SF3B3: variants seen among roughly 807,000 people sequenced by gnomAD.
The protein encoded by SF3B3 is splicing factor 3b subunit 3, also known as SAP 130.
In SF3B3, 33 loss-of-function variants were observed where a neutral mutation model predicts 139.2. The ratio of observed to expected loss-of-function variants is 0.24; its 90% confidence interval spans 0.18 to 0.32. SF3B3 has a LOEUF of 0.32. Ranked by LOEUF, SF3B3 falls within the 10% of genes least tolerant of loss-of-function variation. SF3B3 has a pLI of 1.00. For synonymous variants in SF3B3, 596 were observed against 563.6 expected, an observed-to-expected ratio of 1.06 and a Z score of -0.81; for missense variants, 818 against 1,509.4, an observed-to-expected ratio of 0.54 and a Z score of 7.59.
rs772020586 is a variant in SF3B3, at chr16:70,557,024, C to T, written c.2005C>T (p.Leu669=). The T allele has an allele frequency of 5.0e-6, 8 of 1,608,222 alleles. No homozygotes were observed. Among genetic ancestry groups the T allele is most frequent in the Non-Finnish European group, 6.8e-6 (8 of 1,177,714 alleles). The part of the protein sequence containing the change: ...SIGFLYLNIG[L]QNGVLLRTVL... Reference sequence around the variant, plus strand: ...TGGCTTCCTATACCTGAATATTGGGCTACAGGTAAGAGATCCAGAGGCCCA... The same window carrying T: ...TGGCTTCCTATACCTGAATATTGGGTTACAGGTAAGAGATCCAGAGGCCCA... The change falls in exon 15 of 26, where the codon CTA becomes TTA. Residue 669 remains leucine, a synonymous_variant. Coordinates refer to ENST00000302516, the MANE Select transcript of SF3B3 (RefSeq NM_012426.5).
At chr16:70,554,932 G>A in intron 12 of SF3B3, 119 bp from the exon 13 acceptor site, 1 of 906,854 alleles carries the variant, frequency 1.1e-6, no homozygotes, top group Non-Finnish European at 1.7e-6. Flanking sequence ...GATTCAACTG[G>A]TGCCTCAAAT....
intron 21 of SF3B3, among the ~76,000 whole-genome samples, chr16:70,567,771 C>T (rs922601851): frequency 8.5e-5 from 13 of 152,126 alleles, no homozygotes; most frequent in African/African-American, 2.4e-4. Context: ...CTGCAACCTC[C>T]GCCTCCTGGG....
At position 70,532,896 on chromosome 16, in the gene SF3B3, C is replaced by T. The variant is rs199948021; in HGVS notation, c.712+276C>T. On this transcript the variant is annotated intron_variant, in intron 5 of 25. Transcript: ENST00000302516. Reference sequence around the variant, plus strand: ...TTGGAATATTGATTACTGTTAGTTGCTGTGACAGTTTGGCTGTAGTCAGTC... The same window carrying T: ...TTGGAATATTGATTACTGTTAGTTGTTGTGACAGTTTGGCTGTAGTCAGTC... Among the ~76,000 whole-genome samples the T allele has an allele frequency of 2.0e-5, 3 of 152,150 alleles. No homozygotes were observed. In the East Asian group the frequency reaches 5.8e-4, roughly 29 times the overall value.
In SF3B3 at chr16:70,568,397, A is replaced by G. The variant is rs762403709; in HGVS notation, c.3067A>G (p.Ile1023Val). 12 of 1,614,014 alleles carry G rather than the reference A, an allele frequency of 7.4e-6. No homozygotes were observed. The African/African-American group carries it at 1.2e-4, about 16-fold the overall frequency. ...RYKRNENQLI[I>V]FADDTYPRWV... ...CAAGCGTAATGAAAACCAGCTTATC[A>G]TCTTTGCTGATGATACCTACCCCCG... is the stretch of plus-strand genomic sequence containing the variant. The change falls in exon 22 of 26, where the codon ATC (isoleucine) becomes GTC (valine). Residue 1023 changes from isoleucine to valine, a missense_variant. Ile to Val is a conservative substitution (Grantham distance 29). Transcript: ENST00000302516.
rs2050576438 is a variant in SF3B3, at chr16:70,576,025, C to G, written c.*4212C>G. 6.6e-6 allele frequency: 1 copy of G among 151,916 alleles called. No homozygotes were observed. Among genetic ancestry groups the G allele is most frequent in the Non-Finnish European group, 1.5e-5 (1 of 68,014 alleles). The allele number at this position is 151,916 out of a possible 1,614,324, so 9.4% of individuals were successfully genotyped here. A position where few individuals can be genotyped will look rare whatever the true frequency, so the allele number is the denominator to read the frequency against. ...TTGAGCCCAGAAGTTTAAGACCAGC[C>G]TAGGAAACAGACCCCATCTCTACAA... On this transcript the variant is annotated 3_prime_UTR_variant, in exon 26 of 26. Transcript: ENST00000302516.
chr16:70,540,347 C>T (rs2050207885), intron 8 of SF3B3, among the ~76,000 whole-genome samples: 1 of 150,952 alleles, frequency 6.6e-6, no homozygotes, highest in Non-Finnish European at 1.5e-5. Flanking sequence ...CAGGCGTGTG[C>T]CACCGTGCCC....
chr16:70,571,341 A>G (rs1597726141), intron 25 of SF3B3, 142 bp downstream of exon 25: 11 of 648,438 alleles, frequency 1.7e-5, no homozygotes, highest in South Asian at 7.3e-5. Context: ...GCTTCTGCCA[A>G]TCTGAACTCT....
chr16:70,540,298 T>C (rs2050207460), intron 8 of SF3B3, among the ~76,000 whole-genome samples: 1 of 151,656 alleles, frequency 6.6e-6, no homozygotes, highest in African/African-American at 2.4e-5. Flanking sequence ...TGACCTCAAG[T>C]GATCCATCCA....
At chr16:70,536,992 G>A (rs1381895797) in intron 6 of SF3B3, among the ~76,000 whole-genome samples, 2 of 151,170 alleles carry the variant, frequency 1.3e-5, no homozygotes, top group African/African-American at 4.9e-5. Flanking sequence ...TATATTTTTA[G>A]TAGAGATGGG....
rs1201653537 is a variant in SF3B3, at chr16:70,575,781, G to C, written c.*3968G>C. ...CTTGGGACTTCAGGAAAAATCAGAA[G>C]GTCCCAAGTCTGAAAAATGAAGAGG... is the stretch of plus-strand genomic sequence containing the variant. On this transcript the variant is annotated 3_prime_UTR_variant, in exon 26 of 26. Coordinates refer to ENST00000302516, the MANE Select transcript of SF3B3 (RefSeq NM_012426.5). 6.6e-6 allele frequency: 1 copy of C among 152,240 alleles called. No individual in the cohort carries two copies. The highest frequency in any genetic ancestry group is 1.5e-5 in the Non-Finnish European group (1 of 68,056). The allele number at this position is 152,240 out of a possible 1,614,324, so 9.4% of individuals were successfully genotyped here.
At chr16:70,557,088 C>G in intron 15 of SF3B3, 59 bp downstream of exon 15, 1 of 1,492,084 alleles carries the variant, frequency 6.7e-7, no homozygotes, top group Non-Finnish European at 9.0e-7. Context: ...TTCACACACT[C>G]CTTTGTTTGA....
At position 70,548,357 on chromosome 16, in the gene SF3B3, C is replaced by G. The variant is rs538872621; in HGVS notation, c.1330-13C>G. ...TGCTCACTGGATCTGTGGCTTCCCT[C>G]TTCTCCTGTCAGGTGTCAGAAATGG... On this transcript the variant is annotated splice_polypyrimidine_tract_variant and intron_variant, in intron 10 of 25. Coordinates refer to ENST00000302516, the MANE Select transcript of SF3B3 (RefSeq NM_012426.5). The G allele has an allele frequency of 1.2e-6, 2 of 1,613,144 alleles. No homozygotes were observed. Among genetic ancestry groups the G allele is most frequent in the Admixed American group, 1.7e-5 (1 of 60,010 alleles).
chr16:70,567,634 T>A (rs1011897229), intron 21 of SF3B3, 98 bp downstream of exon 21: 3 of 1,390,860 alleles, frequency 2.2e-6, no homozygotes, highest in Non-Finnish European at 1.9e-6. Context: ...CTTATCTTTA[T>A]TAGGACTTGT....
intron 3 of SF3B3, chr16:70,529,401 A>G: frequency 1.8e-6 from 1 of 558,416 alleles, no homozygotes. Context: ...ACACCTTTCT[A>G]CTTCCCATCT....
At chr16:70,537,629 T>A (rs976345261) in intron 6 of SF3B3, among the ~76,000 whole-genome samples, 5 of 152,246 alleles carry the variant, frequency 3.3e-5, no homozygotes, top group African/African-American at 1.2e-4. Flanking sequence ...CAAGTTAAAT[T>A]CTTCTTGTTA....
chr16:70,554,984 T>C, intron 12 of SF3B3, 67 bp from the exon 13 acceptor site: 2 of 1,473,612 alleles, frequency 1.4e-6, no homozygotes, highest in Non-Finnish European at 1.9e-6. Context: ...ATCTGATAGA[T>C]GTGAGGGTCA....
intron 2 of SF3B3, among the ~76,000 whole-genome samples, chr16:70,528,171 T>G (rs1015779156): frequency 2.0e-5 from 3 of 148,016 alleles, no homozygotes; most frequent in African/African-American, 7.4e-5. Flanking sequence ...TCTTTTTTTT[T>G]TTTTTTTTTT....
At chr16:70,557,429 C>T (rs563204649) in intron 15 of SF3B3, among the ~76,000 whole-genome samples, 15 of 152,156 alleles carry the variant, frequency 9.9e-5, no homozygotes, top group East Asian at 3.9e-4. Context: ...CTCTTTGTGC[C>T]GTGAAGAAAA....
chr16:70,577,510 G>A lies in SF3B3; in HGVS notation c.*5697G>A, dbSNP rs1314344604. ...GGCCACTGCCTTGGGGACGGGTGAG[G>A]AGTTAGCCTGGAACATTCCAGCGTG... On this transcript the variant is annotated 3_prime_UTR_variant, in exon 26 of 26. Transcript: ENST00000302516. 6.6e-6 allele frequency: 1 copy of A among 152,228 alleles called. No individual in the cohort carries two copies. The highest frequency in any genetic ancestry group is 1.5e-5 in the Non-Finnish European group (1 of 68,078). The allele number at this position is 152,228 out of a possible 1,614,324, so 9.4% of individuals were successfully genotyped here.
Sources: allele counts gnomAD v4.1 joint callset (sites outside exome capture counted in the v4.1 genomes callset), GRCh38; gene constraint gnomAD v4.1.1; transcripts MANE v1.5; gene names NCBI Gene and HGNC (gene_info 2026-07-23, HGNC 2026-07-21).